The following APBB2 variants were observed in gnomAD, a reference collection of about 807,000 sequenced individuals.
The protein encoded by APBB2 is amyloid beta precursor protein binding family B member 2.
APBB2 carries 38 observed loss-of-function variants against 82.5 expected under a neutral mutation model. The observed-to-expected ratio is 0.46, with a 90% CI of 0.36 to 0.60. The LOEUF (loss-of-function observed/expected upper bound fraction) is 0.60, where lower values mean the gene tolerates loss of function less well. Among genes scored for constraint, APBB2 ranks in the 20% least tolerant of loss-of-function variants. APBB2 has a pLI of 0.00. For missense variants in APBB2, 772 were observed against 972.3 expected, an observed-to-expected ratio of 0.79 and a Z score of 2.74; for synonymous variants, 341 against 368.2, an observed-to-expected ratio of 0.93 and a Z score of 0.85.
At chr4:41,081,640 A>G (rs1392346125) in intron 3 of APBB2, among the ~76,000 whole-genome samples, 1 of 152,196 alleles carries the variant, frequency 6.6e-6, no homozygotes, top group Non-Finnish European at 1.5e-5. Context: ...ACAGCCTCCA[A>G]ACATTTATAC....
intron 2 of APBB2, among the ~76,000 whole-genome samples, chr4:41,126,216 CAAAAA>C (rs570780744): frequency 1.7e-5 from 1 of 59,480 alleles, no homozygotes; most frequent in Non-Finnish European, 3.6e-5. Flanking sequence ...CGTGTCTCTA[CAAAAA>C]AAAAAAAAAA....
chr4:40,908,613 C>G (rs549130934), intron 10 of APBB2, among the ~76,000 whole-genome samples: 22 of 152,116 alleles, frequency 1.4e-4, no homozygotes, highest in African/African-American at 4.8e-4. Flanking sequence ...GCACCGGAGC[C>G]CAGGGAGGCC....
intron 6 of APBB2, among the ~76,000 whole-genome samples, chr4:40,977,323 T>C (rs1355252782): frequency 2.0e-5 from 3 of 151,878 alleles, no homozygotes; most frequent in Non-Finnish European, 4.4e-5. Flanking sequence ...TAGTTGTTTT[T>C]TTTTTTTTTA....
At chr4:41,033,027 C>A (rs1457658680) in intron 5 of APBB2, among the ~76,000 whole-genome samples, 2 of 151,920 alleles carry the variant, frequency 1.3e-5, no homozygotes, top group South Asian at 2.1e-4. Context: ...TCGTGATCCG[C>A]CGGTCTCGGC....
intron 12 of APBB2, among the ~76,000 whole-genome samples, chr4:40,867,888 C>T (rs1442092770): frequency 7.8e-5 from 11 of 140,776 alleles, no homozygotes; most frequent in Admixed American, 1.4e-4. Flanking sequence ...TTTAAGAATA[C>T]AAAATTTATC....
chr4:41,069,195 T>G (rs762195431), intron 3 of APBB2, among the ~76,000 whole-genome samples: 5 of 151,976 alleles, frequency 3.3e-5, no homozygotes, highest in Non-Finnish European at 7.4e-5. Context: ...CATTTGAGAG[T>G]AAAGGCAAGA....
intron 1 of APBB2, among the ~76,000 whole-genome samples, chr4:41,184,438 C>T (rs1464120111): frequency 6.6e-6 from 1 of 152,180 alleles, no homozygotes; most frequent in Non-Finnish European, 1.5e-5. Flanking sequence ...ATTGTTCCTC[C>T]AACAGGCCAG....
chr4:40,970,926 A>AC (rs1795785654), intron 6 of APBB2, among the ~76,000 whole-genome samples: 1 of 152,180 alleles, frequency 6.6e-6, no homozygotes, highest in Admixed American at 6.5e-5. Flanking sequence ...CAGTACATAT[A>AC]CATTTGCCCC....
intron 10 of APBB2, among the ~76,000 whole-genome samples, chr4:40,923,600 C>T (rs959435780): frequency 3.3e-5 from 5 of 152,238 alleles, no homozygotes; most frequent in African/African-American, 1.2e-4. Context: ...CGCTCTGGTG[C>T]CATCAGGATG....
chr4:41,024,727 A>G (rs1398167032), intron 5 of APBB2, among the ~76,000 whole-genome samples: 1 of 152,166 alleles, frequency 6.6e-6, no homozygotes, highest in East Asian at 1.9e-4. Context: ...CGGTAACTTG[A>G]GTATTCTGTT....
intron 5 of APBB2, among the ~76,000 whole-genome samples, chr4:41,030,093 T>C (rs1259447226): frequency 6.6e-6 from 1 of 152,094 alleles, no homozygotes; most frequent in Non-Finnish European, 1.5e-5. Flanking sequence ...GGGGCGAAGG[T>C]TGCAGTGAGC....
intron 3 of APBB2, among the ~76,000 whole-genome samples, chr4:41,090,725 C>T (rs1741392136): frequency 6.6e-6 from 1 of 152,134 alleles, no homozygotes; most frequent in South Asian, 2.1e-4. Context: ...GCCAGAACAG[C>T]AGGCATAGCT....
At position 41,033,235 on chromosome 4, in the gene APBB2, C is replaced by T; in HGVS notation, c.19+1G>A. The stretch of plus-strand genomic sequence containing the variant: ...TTGAAATATGAGAAAATGTATCTGA[C>T]CTGGAAGTACTTCTGACATGGATCA... On this transcript the variant is annotated splice_donor_variant, in intron 5 of 17. Transcript: ENST00000508593. LOFTEE classifies it high-confidence loss of function. 1 of 1,576,018 alleles carries T rather than the reference C, an allele frequency of 6.3e-7. No homozygotes were observed. The highest frequency in any genetic ancestry group is 2.3e-5 in the East Asian group (1 of 44,428).
intron 10 of APBB2, among the ~76,000 whole-genome samples, chr4:40,922,135 A>G (rs1174564465): frequency 6.6e-6 from 1 of 152,240 alleles, no homozygotes; most frequent in Non-Finnish European, 1.5e-5. Flanking sequence ...TTTATGTGTT[A>G]GGGCTTAGTG....
At chr4:41,128,838 C>T (rs1261191165) in intron 2 of APBB2, among the ~76,000 whole-genome samples, 1 of 152,158 alleles carries the variant, frequency 6.6e-6, no homozygotes, top group Non-Finnish European at 1.5e-5. Flanking sequence ...ACAAAACTAA[C>T]GGGCTATTAT....
intron 6 of APBB2, among the ~76,000 whole-genome samples, chr4:40,997,846 C>T (rs1579110482): frequency 6.6e-6 from 1 of 152,078 alleles, no homozygotes; most frequent in Non-Finnish European, 1.5e-5. Context: ...TAAATCTCAA[C>T]CCCAAAGTAT....
intron 12 of APBB2, among the ~76,000 whole-genome samples, chr4:40,854,735 G>A (rs958751138): frequency 6.9e-6 from 1 of 144,158 alleles, no homozygotes; most frequent in African/African-American, 2.7e-5. Context: ...GTTGCAGTAA[G>A]CCAAGATTAC....
At chr4:40,977,230 A>C (rs535976079) in intron 6 of APBB2, among the ~76,000 whole-genome samples, 2 of 152,328 alleles carry the variant, frequency 1.3e-5, no homozygotes, top group South Asian at 4.1e-4. Context: ...AGTGGCTCTC[A>C]ACATGGAAGC....
chr4:41,101,789 C>A (rs1745548820), intron 2 of APBB2, among the ~76,000 whole-genome samples: 1 of 151,836 alleles, frequency 6.6e-6, no homozygotes, highest in Non-Finnish European at 1.5e-5. Context: ...GAAACCCCAT[C>A]TCTATTAAAA....
Sources: gnomAD v4.1 joint callset for allele counts (sites outside exome capture counted in the v4.1 genomes callset) on GRCh38, gnomAD v4.1.1 for gene constraint, MANE v1.5 for transcripts, NCBI Gene and HGNC (gene_info 2026-07-23, HGNC 2026-07-21) for gene names.